UGT1A7: variants seen among roughly 807,000 people sequenced by gnomAD.
The protein encoded by UGT1A7 is UDP-glucuronosyltransferase 1A7.
In UGT1A7, 33 loss-of-function variants were observed where a neutral mutation model predicts 45.6. The ratio of observed to expected loss-of-function variants is 0.72; its 90% CI spans 0.55 to 0.97. The LOEUF is 0.97. Among genes scored for constraint, UGT1A7 ranks in the 50% least tolerant of loss-of-function variants. The pLI is 0.00. For missense variants in UGT1A7, 684 were observed against 666.2 expected (o/e 1.03, Z -0.29); for synonymous variants, 274 against 250.6 (o/e 1.09, Z -0.88).
chr2:233,759,557 C>T (rs1697172001), intron 1 of UGT1A7, among the ~76,000 whole-genome samples: 1 of 152,070 alleles, frequency 6.6e-6, no homozygotes, highest in South Asian at 2.1e-4. Context: ...AGTGAATTTC[C>T]CTTTCTGGTC....
intron 1 of UGT1A7, chr2:233,729,450 G>C (rs1394250627): frequency 3.1e-6 from 5 of 1,614,082 alleles, no homozygotes; most frequent in Non-Finnish European, 3.4e-6. Flanking sequence ...ATTTTCTGAA[G>C]AAATTTTTCA....
In UGT1A7 at chr2:233,755,028, C is replaced by T; in HGVS notation, c.856-12006C>T. 4 of 1,311,690 alleles carry T rather than the reference C, an allele frequency of 3.0e-6. 1 individual carries two copies. In the South Asian group the frequency reaches 4.6e-5, roughly 15 times the overall value. 81.3% of individuals were successfully genotyped at this position (1,311,690 alleles called of 1,614,324 possible). On this transcript the variant is annotated intron_variant, in intron 1 of 4. Transcript: ENST00000373426. ...CTACTCGAAGGGGTCCTTGAAGGGC[C>T]TGCCGCCTGCGCAGCCGCCCTCCGC...
intron 1 of UGT1A7, among the ~76,000 whole-genome samples, chr2:233,695,189 G>A (rs2075271649): frequency 2.0e-5 from 3 of 148,082 alleles, no homozygotes; most frequent in South Asian, 4.3e-4. Context: ...GCAGTGGTGC[G>A]ATCTCAGCCC....
chr2:233,767,666 C>T (rs143192680), intron 2 of UGT1A7, among the ~76,000 whole-genome samples, 183 bp from the exon 3 acceptor site: 1 of 152,190 alleles, frequency 6.6e-6, no homozygotes, highest in East Asian at 1.9e-4. Flanking sequence ...ACCCTTGTAA[C>T]TAAACCTCCA....
Position 233,709,909 on chromosome 2 carries a change from A to G in UGT1A7, c.855+27117A>G, listed in dbSNP as rs186719826. Reference sequence around the variant, plus strand: ...TTCTGTCCTATCTCAGTCACCTAATACCTCCCCTCACCTTAGGCAACCCTG... The same window carrying G: ...TTCTGTCCTATCTCAGTCACCTAATGCCTCCCCTCACCTTAGGCAACCCTG... On this transcript the variant is annotated intron_variant, in intron 1 of 4. Coordinates refer to ENST00000373426, the MANE Select transcript of UGT1A7 (RefSeq NM_019077.3). 8.5e-5 allele frequency among the ~76,000 whole-genome samples: 13 copies of G among 152,088 alleles called. No homozygotes were observed. The East Asian group carries it at 2.5e-3, about 29-fold the overall frequency.
chr2:233,699,520 G>A (rs998793115), intron 1 of UGT1A7, among the ~76,000 whole-genome samples: 3 of 152,142 alleles, frequency 2.0e-5, no homozygotes, highest in Non-Finnish European at 2.9e-5. Flanking sequence ...CAAGCCTTCC[G>A]AAGGACAGGG....
In UGT1A7 at chr2:233,713,094, C is replaced by G. The variant is rs1375796840; in HGVS notation, c.855+30302C>G. ...TGAGAGTGGGAAGGTGCTGGTGGTG[C>G]CCACTGATGGCAGCCACTGGCTCAG... On this transcript the variant is annotated intron_variant, in intron 1 of 4. Coordinates refer to ENST00000373426, the MANE Select transcript of UGT1A7 (RefSeq NM_019077.3). 2.5e-6 allele frequency: 4 copies of G among 1,614,034 alleles called. No individual in the cohort carries two copies. The highest frequency in any genetic ancestry group is 3.3e-5 in the Admixed American group (2 of 60,002).
chr2:233,758,943 A>T (rs1444308221), intron 1 of UGT1A7, among the ~76,000 whole-genome samples: 2 of 152,240 alleles, frequency 1.3e-5, no homozygotes, highest in Non-Finnish European at 2.9e-5. Context: ...CAAATCAGTC[A>T]TCAGAATTTC....
At chr2:233,729,435 A>G in intron 1 of UGT1A7, 1 of 1,613,958 alleles carries the variant, frequency 6.2e-7, no homozygotes. Context: ...ACTTTGAAAC[A>G]GAACATTTTC....
intron 1 of UGT1A7, chr2:233,690,033 G>A: frequency 2.4e-6 from 1 of 420,618 alleles, no homozygotes; most frequent in Non-Finnish European, 4.7e-6. Flanking sequence ...CAAGATCTGG[G>A]CCCAGAGCAT....
intron 1 of UGT1A7, chr2:233,730,107 G>T: frequency 1.3e-6 from 2 of 1,570,872 alleles, no homozygotes; most frequent in Non-Finnish European, 1.7e-6. Flanking sequence ...TTTCATTTCT[G>T]CTTCTCCTTG....
At chr2:233,730,685 C>T (rs917184684) in intron 1 of UGT1A7, among the ~76,000 whole-genome samples, 1 of 152,042 alleles carries the variant, frequency 6.6e-6, no homozygotes, top group Admixed American at 6.6e-5. Flanking sequence ...GGTTGCATCT[C>T]AAATGATTCT....
At chr2:233,744,688 T>C (rs1692891145) in intron 1 of UGT1A7, among the ~76,000 whole-genome samples, 1 of 151,894 alleles carries the variant, frequency 6.6e-6, no homozygotes, top group Admixed American at 6.5e-5. Flanking sequence ...ATGTAGCTTC[T>C]GGAAAACTCC....
intron 1 of UGT1A7, among the ~76,000 whole-genome samples, chr2:233,724,153 T>TG (rs1256567668): frequency 5.0e-4 from 26 of 52,120 alleles, no homozygotes; most frequent in African/African-American, 2.1e-3. Flanking sequence ...GCTGGCCGGG[T>TG]GGGGGGGCTG....
chr2:233,716,944 C>T (rs192038385), intron 1 of UGT1A7, among the ~76,000 whole-genome samples: 1 of 152,264 alleles, frequency 6.6e-6, no homozygotes, highest in Non-Finnish European at 1.5e-5. Context: ...CTCCTATTTC[C>T]CAGGCACCAG....
At chr2:233,708,554 C>T (rs1000244993) in intron 1 of UGT1A7, 1 of 152,110 alleles carries the variant, frequency 6.6e-6, no homozygotes, top group Non-Finnish European at 1.5e-5. Flanking sequence ...GAGTTTGAGA[C>T]CAGCCTAGGC....
intron 1 of UGT1A7, among the ~76,000 whole-genome samples, chr2:233,685,623 C>T (rs11902131): frequency 0.39 from 59,238 of 152,106 alleles, 11,737 homozygotes; most frequent in South Asian, 0.45. Flanking sequence ...AACTTTTTAT[C>T]ATCAAAGTTT....
At chr2:233,694,066 G>T (rs969432855) in intron 1 of UGT1A7, among the ~76,000 whole-genome samples, 2 of 152,190 alleles carry the variant, frequency 1.3e-5, no homozygotes, top group Non-Finnish European at 2.9e-5. Flanking sequence ...TGAAGACAGG[G>T]CTCATGCTTG....
intron 1 of UGT1A7, among the ~76,000 whole-genome samples, chr2:233,724,363 C>T (rs1212893783): frequency 1.6e-4 from 22 of 136,704 alleles, no homozygotes; most frequent in African/African-American, 2.2e-4. Flanking sequence ...CCCTCCCGGA[C>T]GGGGTGGCTG....
Sources: allele counts gnomAD v4.1 joint callset (sites outside exome capture counted in the v4.1 genomes callset), GRCh38; gene constraint gnomAD v4.1.1; transcripts MANE v1.5; gene names NCBI Gene and HGNC (gene_info 2026-07-23, HGNC 2026-07-21).